Variants in GULP1 observed in about 807,000 individuals in gnomAD.
GULP1 encodes the protein PTB domain-containing engulfment adapter protein 1.
Under a neutral mutation model 40.9 loss-of-function variants are expected in GULP1, and 19 were observed. That is an observed-to-expected ratio of 0.46 (90% CI 0.32 to 0.68). GULP1 has a LOEUF of 0.68. Ranked by LOEUF, GULP1 falls within the 30% of genes least tolerant of loss-of-function variation. GULP1 has a pLI of 0.03. For synonymous variants in GULP1, 119 were observed against 117.6 expected, an observed-to-expected ratio of 1.01 and a Z score of -0.08; for missense variants, 312 against 362.2, an observed-to-expected ratio of 0.86 and a Z score of 1.12.
At chr2:188,398,040 A>T (rs188468257) in intron 2 of GULP1, among the ~76,000 whole-genome samples, 2 of 152,344 alleles carry the variant, frequency 1.3e-5, no homozygotes, top group Non-Finnish European at 2.9e-5. Context: ...AGATGCCATC[A>T]TCCAGGATTA....
At chr2:188,511,972 T>A (rs1201434790) in intron 4 of GULP1, among the ~76,000 whole-genome samples, 1 of 152,158 alleles carries the variant, frequency 6.6e-6, no homozygotes. Flanking sequence ...TTAATAAGTT[T>A]AAATCCAGTT....
chr2:188,297,349 T>A, intron 1 of GULP1: 2 of 380,000 alleles, frequency 5.3e-6, no homozygotes. Context: ...TGTAAGAAGG[T>A]AAATTCACTA....
intron 2 of GULP1, among the ~76,000 whole-genome samples, chr2:188,410,662 G>A (rs149113167): frequency 5.3e-4 from 81 of 152,242 alleles, no homozygotes; most frequent in African/African-American, 1.9e-3. Context: ...CTCATTAGAC[G>A]TAGGAAGAGC....
In GULP1 at chr2:188,595,387, A is replaced by C. The variant is rs1704275116; in HGVS notation, c.*1376A>C. The C allele has an allele frequency of 1.3e-5, 2 of 152,140 alleles. No homozygotes were observed. The highest frequency in any genetic ancestry group is 4.8e-5 in the African/African-American group (2 of 41,422). 9.4% of individuals were successfully genotyped at this position (152,140 alleles called of 1,614,324 possible). Reference sequence around the variant, plus strand: ...GTGTTAAAGGTACATTTTCACTAGGAAAAGAAATCAAATATGCTTATGCAA... The same window carrying C: ...GTGTTAAAGGTACATTTTCACTAGGCAAAGAAATCAAATATGCTTATGCAA... On this transcript the variant is annotated 3_prime_UTR_variant, in exon 12 of 12. Coordinates refer to ENST00000409830, the MANE Select transcript of GULP1 (RefSeq NM_016315.4).
intron 1 of GULP1, among the ~76,000 whole-genome samples, chr2:188,345,413 G>C (rs899723161): frequency 6.6e-6 from 1 of 152,198 alleles, no homozygotes; most frequent in Admixed American, 6.5e-5. Flanking sequence ...AGAGGCAGCT[G>C]TCTCAGAGGA....
chr2:188,412,000 A>G (rs924288045), intron 2 of GULP1, among the ~76,000 whole-genome samples: 5 of 152,180 alleles, frequency 3.3e-5, no homozygotes, highest in Admixed American at 6.5e-5. Context: ...CCGTGAGGCC[A>G]TCAGTGCAGG....
Position 188,417,230 on chromosome 2 carries a change from G to A in GULP1, c.-45+33341G>A, listed in dbSNP as rs561411212. On this transcript the variant is annotated intron_variant, in intron 2 of 11. Coordinates refer to ENST00000409830, the MANE Select transcript of GULP1 (RefSeq NM_016315.4). The stretch of plus-strand genomic sequence containing the variant: ...TTAGGACATGATGTGGCTGCATCTT[G>A]ATTGACTATGGATGTTTCTGCAGAG... Among the ~76,000 whole-genome samples, 67 of 152,294 alleles carry A rather than the reference G, an allele frequency of 4.4e-4. 1 individual carries two copies. Among genetic ancestry groups the A allele is most frequent in the Admixed American group, 3.7e-3 (56 of 15,298 alleles).
intron 1 of GULP1, among the ~76,000 whole-genome samples, chr2:188,364,950 A>G (rs536242197): frequency 2.9e-4 from 44 of 151,858 alleles, no homozygotes; most frequent in African/African-American, 1.0e-3. Flanking sequence ...ATACACACAC[A>G]CACTTGGGTC....
At chr2:188,388,550 CA>C (rs1032695656) in intron 2 of GULP1, among the ~76,000 whole-genome samples, 1 of 150,178 alleles carries the variant, frequency 6.7e-6, no homozygotes, top group Admixed American at 6.6e-5. Flanking sequence ...CTCAAAAAAT[CA>C]AAAAAAACAA....
intron 1 of GULP1, among the ~76,000 whole-genome samples, chr2:188,320,147 G>A (rs1348790249): frequency 1.3e-5 from 2 of 152,110 alleles, no homozygotes; most frequent in Admixed American, 1.3e-4. Flanking sequence ...CCGCTGGGAG[G>A]AAGACCATCA....
At chr2:188,589,632 A>T (rs894872651) in intron 11 of GULP1, 11 of 529,996 alleles carry the variant, frequency 2.1e-5, no homozygotes, top group Non-Finnish European at 3.7e-5. Context: ...TATTGGGATG[A>T]TTGAGTGATG....
chr2:188,427,906 C>T (rs959164408), intron 2 of GULP1, among the ~76,000 whole-genome samples: 6 of 152,222 alleles, frequency 3.9e-5, no homozygotes, highest in Admixed American at 3.9e-4. Context: ...TTGCATCCTG[C>T]ATCTGGAAAA....
intron 7 of GULP1, among the ~76,000 whole-genome samples, chr2:188,551,731 T>A (rs116029183): frequency 2.0e-5 from 3 of 150,188 alleles, no homozygotes; most frequent in Non-Finnish European, 3.0e-5. Flanking sequence ...TATTTGCAGG[T>A]TTTTTTTTGA....
At chr2:188,520,267 G>A (rs1180230384) in intron 4 of GULP1, among the ~76,000 whole-genome samples, 1 of 152,124 alleles carries the variant, frequency 6.6e-6, no homozygotes, top group Non-Finnish European at 1.5e-5. Context: ...GCCGGGCGTG[G>A]TGGCCCACAC....
chr2:188,302,075 A>C (rs1357616336), intron 1 of GULP1, among the ~76,000 whole-genome samples: 1 of 152,214 alleles, frequency 6.6e-6, no homozygotes, highest in Non-Finnish European at 1.5e-5. Flanking sequence ...TTGTAAATAA[A>C]AGTTTTAGAA....
chr2:188,497,727 A>T (rs1294834870), intron 4 of GULP1, among the ~76,000 whole-genome samples: 1 of 151,946 alleles, frequency 6.6e-6, no homozygotes, highest in Admixed American at 6.6e-5. Flanking sequence ...CACTACAGAG[A>T]TTACACAAAG....
chr2:188,361,634 C>T (rs2046101349), intron 1 of GULP1, among the ~76,000 whole-genome samples: 3 of 151,986 alleles, frequency 2.0e-5, no homozygotes, highest in Non-Finnish European at 2.9e-5. Context: ...GTTAGGTGTT[C>T]ACACCTAAAC....
intron 11 of GULP1, chr2:188,588,820 G>C (rs1702935686): frequency 6.6e-6 from 1 of 152,034 alleles, no homozygotes; most frequent in Non-Finnish European, 1.5e-5. Flanking sequence ...GGTGAACACT[G>C]ATCTATCACT....
chr2:188,589,623 A>G (rs914156026), intron 11 of GULP1: 1 of 508,004 alleles, frequency 2.0e-6, no homozygotes, highest in Non-Finnish European at 3.5e-6. Context: ...GACACAATGT[A>G]TTGGGATGAT....
Sources: allele counts gnomAD v4.1 joint callset (sites outside exome capture counted in the v4.1 genomes callset), GRCh38; gene constraint gnomAD v4.1.1; transcripts MANE v1.5; gene names NCBI Gene and HGNC (gene_info 2026-07-23, HGNC 2026-07-21).